RABGAP1: variants seen among roughly 807,000 people sequenced by gnomAD.
RABGAP1 encodes rab GTPase-activating protein 1.
In RABGAP1, 23 loss-of-function variants were observed where a neutral mutation model predicts 137.6. That is an observed-to-expected ratio of 0.17 (90% CI 0.12 to 0.24). RABGAP1 has a LOEUF of 0.24. RABGAP1 is among the 10% of genes least tolerant of loss of function. The pLI, the probability that RABGAP1 is intolerant of heterozygous loss-of-function variation, is 1.00. For missense variants in RABGAP1, 906 were observed against 1,275.8 expected, an observed-to-expected ratio of 0.71 and a Z score of 4.42; for synonymous variants, 451 against 450.7, an observed-to-expected ratio of 1.00 and a Z score of -0.01.
At chr9:122,983,027 A>G (rs926413407) in intron 2 of RABGAP1, among the ~76,000 whole-genome samples, 1 of 151,856 alleles carries the variant, frequency 6.6e-6, no homozygotes, top group Non-Finnish European at 1.5e-5. Context: ...GCTACCATGC[A>G]CGGCTAATTT....
intron 4 of RABGAP1, among the ~76,000 whole-genome samples, chr9:122,987,055 T>C (rs188011154): frequency 6.6e-6 from 1 of 152,244 alleles, no homozygotes; most frequent in African/African-American, 2.4e-5. Flanking sequence ...GAGGATCACC[T>C]GAGCCTGGGA....
chr9:122,975,936 T>A (rs999281577), intron 2 of RABGAP1, among the ~76,000 whole-genome samples: 2 of 152,196 alleles, frequency 1.3e-5, no homozygotes, highest in African/African-American at 4.8e-5. Context: ...GCCAGATATG[T>A]CTTACTTGGG....
At chr9:123,029,198 G>A (rs960658312) in intron 13 of RABGAP1, among the ~76,000 whole-genome samples, 3 of 152,150 alleles carry the variant, frequency 2.0e-5, no homozygotes, top group African/African-American at 4.8e-5. Flanking sequence ...AGATGAGGGC[G>A]AGGGAGGAAT....
intron 2 of RABGAP1, among the ~76,000 whole-genome samples, chr9:122,966,409 G>A (rs1483082405): frequency 6.6e-6 from 1 of 152,070 alleles, no homozygotes; most frequent in African/African-American, 2.4e-5. Flanking sequence ...TGTAATCCTA[G>A]GTACTTGGGA....
At chr9:122,958,553 G>T (rs887535147) in intron 2 of RABGAP1, among the ~76,000 whole-genome samples, 5 of 152,046 alleles carry the variant, frequency 3.3e-5, no homozygotes, top group African/African-American at 1.2e-4. Context: ...GGGGTGGGGG[G>T]AGCAGGGAGG....
At position 123,046,648 on chromosome 9, in the gene RABGAP1, C is replaced by T. The variant is rs373348245; in HGVS notation, c.1795-18700C>T. The stretch of plus-strand genomic sequence containing the variant: ...AGCTCTTAGCGTAGTGCTTGGCATG[C>T]AGTAAGCACTCAGTACATGTTAGCT... On this transcript the variant is annotated intron_variant, in intron 13 of 25. Transcript: ENST00000373647. Among the ~76,000 whole-genome samples, 36 of 152,308 alleles carry T rather than the reference C, an allele frequency of 2.4e-4. No individual in the cohort carries two copies. The East Asian group carries it at 5.8e-3, about 24-fold the overall frequency.
At chr9:122,975,760 G>A (rs1206367414) in intron 2 of RABGAP1, among the ~76,000 whole-genome samples, 2 of 152,140 alleles carry the variant, frequency 1.3e-5, no homozygotes, top group African/African-American at 2.4e-5. Flanking sequence ...AAAACCACAC[G>A]ATACAGTGCC....
At chr9:123,052,802 T>C (rs569137619) in intron 13 of RABGAP1, among the ~76,000 whole-genome samples, 2 of 152,208 alleles carry the variant, frequency 1.3e-5, no homozygotes, top group Admixed American at 6.5e-5. Flanking sequence ...TAGCTGGGCA[T>C]GATGGTGCAC....
intron 21 of RABGAP1, among the ~76,000 whole-genome samples, chr9:123,092,431 G>A (rs1265627875): frequency 6.6e-6 from 1 of 152,120 alleles, no homozygotes; most frequent in East Asian, 1.9e-4. Flanking sequence ...CCTCAGCCTT[G>A]AGAGAACAGT....
intron 19 of RABGAP1, among the ~76,000 whole-genome samples, chr9:123,085,357 TG>T (rs2034832000): frequency 1.3e-5 from 2 of 152,206 alleles, no homozygotes; most frequent in African/African-American, 4.8e-5. Context: ...AGAGGAACCA[TG>T]GCTCTCAGGA....
At chr9:122,993,929 G>C (rs925562727) in intron 6 of RABGAP1, among the ~76,000 whole-genome samples, 9 of 152,204 alleles carry the variant, frequency 5.9e-5, no homozygotes, top group African/African-American at 2.2e-4. Flanking sequence ...CTCCCATAGT[G>C]CTGGGATTCC....
intron 13 of RABGAP1, among the ~76,000 whole-genome samples, chr9:123,047,864 A>AAT (rs963227276): frequency 9.5e-5 from 14 of 147,154 alleles, no homozygotes; most frequent in African/African-American, 3.2e-4. Flanking sequence ...ATTTTCATTT[A>AAT]ATATTTGTTA....
intron 2 of RABGAP1, among the ~76,000 whole-genome samples, chr9:122,957,580 G>A (rs532699792): frequency 7.3e-5 from 11 of 151,602 alleles, no homozygotes; most frequent in African/African-American, 2.7e-4. Context: ...ATGTGTTTTA[G>A]GATTATTGAA....
Position 122,978,115 on chromosome 9 carries a change from A to G in RABGAP1, c.151-6370A>G, listed in dbSNP as rs1588203155. Among the ~76,000 whole-genome samples the G allele has an allele frequency of 2.0e-5, 3 of 149,076 alleles. No individual in the cohort carries two copies. In the East Asian group the frequency reaches 5.8e-4, roughly 29 times the overall value. On this transcript the variant is annotated intron_variant, in intron 2 of 25. Transcript: ENST00000373647. Reference sequence around the variant, plus strand: ...TGTAAAGTCTCATGTAACGACCAGCACAGTCAAGATGGGGAATACTTTTAT... The same window carrying G: ...TGTAAAGTCTCATGTAACGACCAGCGCAGTCAAGATGGGGAATACTTTTAT...
At chr9:123,090,412 G>C (rs1424182724) in intron 21 of RABGAP1, 27 bp downstream of exon 21, 1 of 1,532,348 alleles carries the variant, frequency 6.5e-7, no homozygotes, top group East Asian at 2.3e-5. Context: ...TGAAGGGAAA[G>C]ATCTCACTGA....
chr9:122,996,396 T>C, intron 7 of RABGAP1, 143 bp from the exon 8 acceptor site: 1 of 1,082,740 alleles, frequency 9.2e-7, no homozygotes, highest in Non-Finnish European at 1.3e-6. Flanking sequence ...AAGGAAGGAT[T>C]ATTATTTTAG....
chr9:122,990,037 C>T lies in RABGAP1; in HGVS notation c.766-19C>T. On this transcript the variant is annotated intron_variant, in intron 5 of 25. Transcript: ENST00000373647. ...ATATCTTTTGATAACAGCCCATTTC[C>T]TAACATGTCTGGTTGTAGGTAAGCC... is the stretch of plus-strand genomic sequence containing the variant. 1.3e-6 allele frequency: 2 copies of T among 1,570,032 alleles called. No individual in the cohort carries two copies. Among genetic ancestry groups the T allele is most frequent in the Non-Finnish European group, 1.7e-6 (2 of 1,150,164 alleles).
chr9:123,100,405 G>A (rs1180903580), intron 24 of RABGAP1, among the ~76,000 whole-genome samples: 5 of 150,126 alleles, frequency 3.3e-5, no homozygotes, highest in Non-Finnish European at 7.4e-5. Flanking sequence ...GTGTGTGTGT[G>A]TGTGTGTGTG....
intron 6 of RABGAP1, among the ~76,000 whole-genome samples, chr9:122,991,578 TTAGA>T (rs1283487745): frequency 6.6e-6 from 1 of 151,898 alleles, no homozygotes. Flanking sequence ...TGCTTTCTAA[TTAGA>T]TAGATTTCTA....
Sources: allele counts gnomAD v4.1 joint callset (sites outside exome capture counted in the v4.1 genomes callset), GRCh38; gene constraint gnomAD v4.1.1; transcripts MANE v1.5; gene names NCBI Gene and HGNC (gene_info 2026-07-23, HGNC 2026-07-21).